The following CFAP54 variants were observed in gnomAD, a reference collection of about 807,000 sequenced individuals.
CFAP54 encodes the protein cilia- and flagella-associated protein 54.
CFAP54 carries 290 observed loss-of-function variants against 370.4 expected under a neutral mutation model. The observed-to-expected ratio is 0.78, with a 90% CI of 0.71 to 0.86. The LOEUF (loss-of-function observed/expected upper bound fraction) is 0.86. Ranked by LOEUF, CFAP54 falls within the 40% of genes least tolerant of loss-of-function variation. The pLI is 0.00. For missense variants in CFAP54, 3,399 were observed against 3,528.7 expected, an observed-to-expected ratio of 0.96 and a Z score of 0.93; for synonymous variants, 1,206 against 1,236.5, an observed-to-expected ratio of 0.98 and a Z score of 0.52.
intron 36 of CFAP54, among the ~76,000 whole-genome samples, chr12:96,657,170 G>A (rs765340617): frequency 2.0e-5 from 3 of 152,180 alleles, no homozygotes; most frequent in Non-Finnish European, 4.4e-5. Flanking sequence ...GCTATAATCT[G>A]GCCCTTATAT....
intron 20 of CFAP54, among the ~76,000 whole-genome samples, chr12:96,577,858 C>T (rs11610041): frequency 0.093 from 14,192 of 151,864 alleles, 1,050 homozygotes; most frequent in East Asian, 0.43. Flanking sequence ...GTCAGGGGTT[C>T]GAGACCATCC....
At chr12:96,668,835 T>C (rs897558269) in intron 39 of CFAP54, among the ~76,000 whole-genome samples, 1 of 152,222 alleles carries the variant, frequency 6.6e-6, no homozygotes. Context: ...CACTTATTCA[T>C]CTATTCATTT....
At chr12:96,649,789 A>G (rs1956837400) in intron 34 of CFAP54, 102 bp from the exon 35 acceptor site, 2 of 685,256 alleles carry the variant, frequency 2.9e-6, no homozygotes, top group Non-Finnish European at 4.6e-6. Flanking sequence ...TTTATGTAGC[A>G]TTTGTTATCT....
Position 96,720,515 on chromosome 12 carries a change from C to A in CFAP54, c.6915C>A (p.Ala2305=), listed in dbSNP as rs1017285641. The A allele has an allele frequency of 1.3e-6, 2 of 1,591,906 alleles. No individual in the cohort carries two copies. Residue 2305 remains alanine (A), a synonymous_variant, in exon 50 of 68, where the codon GCC becomes GCA. Transcript: ENST00000524981. The part of the protein sequence containing the change: ...SAGELEIVVE[A]RLQLAAVALQ... ...GCGAGCTGGAGATTGTGGTGGAGGCCCGGCTTCAGCTGGCTGCAGTTGCTC... is the reference window on the plus strand; with the variant it reads ...GCGAGCTGGAGATTGTGGTGGAGGCACGGCTTCAGCTGGCTGCAGTTGCTC...
Position 96,649,967 on chromosome 12 carries a change from C to T in CFAP54, c.4767C>T (p.Asp1589=), listed in dbSNP as rs773059552. 2 of 1,612,786 alleles carry T rather than the reference C, an allele frequency of 1.2e-6. No individual in the cohort carries two copies. Among genetic ancestry groups the T allele is most frequent in the Non-Finnish European group, 1.7e-6 (2 of 1,178,956 alleles). ...ENMSKTQTVY[D]SDSQSGSSAK... ...TGTCCAAGACACAAACAGTTTATGA[C>T]TCAGACTCTCAATCAGGTTCTAGTG... The change falls in exon 35 of 68, where the codon GAC becomes GAT. Residue 1589 remains aspartate (D), a synonymous_variant. Coordinates refer to ENST00000524981, the MANE Select transcript of CFAP54 (RefSeq NM_001306084.2).
rs368859031 is a variant in CFAP54, at chr12:96,661,746, A to C, written c.5461-2084A>C. 3.0e-4 allele frequency among the ~76,000 whole-genome samples: 46 copies of C among 152,274 alleles called. No homozygotes were observed. The South Asian group carries it at 8.5e-3, about 28-fold the overall frequency. On this transcript the variant is annotated intron_variant, in intron 38 of 67. Transcript: ENST00000524981. Reference sequence around the variant, plus strand: ...TAGTTTGATTGACTAACGGGGGTGAATTGTGTGTATGCCAGAAAGTAGATG... The same window carrying C: ...TAGTTTGATTGACTAACGGGGGTGACTTGTGTGTATGCCAGAAAGTAGATG...
intron 39 of CFAP54, among the ~76,000 whole-genome samples, chr12:96,664,197 T>G (rs1363320685): frequency 1.3e-5 from 2 of 152,138 alleles, no homozygotes; most frequent in African/African-American, 2.4e-5. Flanking sequence ...GGTAAACTTG[T>G]GTCATGGGGG....
At chr12:96,574,990 G>A (rs1284692291) in intron 19 of CFAP54, among the ~76,000 whole-genome samples, 2 of 152,074 alleles carry the variant, frequency 1.3e-5, no homozygotes, top group Non-Finnish European at 2.9e-5. Flanking sequence ...GAACTCATTT[G>A]AGCCTGACAC....
At chr12:96,613,252 C>G (rs1956378421) in intron 26 of CFAP54, among the ~76,000 whole-genome samples, 1 of 152,190 alleles carries the variant, frequency 6.6e-6, no homozygotes, top group South Asian at 2.1e-4. Flanking sequence ...AACTGAACAA[C>G]CTGCTCCTGA....
intron 9 of CFAP54, among the ~76,000 whole-genome samples, chr12:96,532,759 TA>T (rs1450901046): frequency 6.6e-6 from 1 of 152,140 alleles, no homozygotes; most frequent in Non-Finnish European, 1.5e-5. Flanking sequence ...TAGCTGTGAA[TA>T]CAGGCATGTG....
intron 17 of CFAP54, among the ~76,000 whole-genome samples, chr12:96,556,449 T>C (rs1431075170): frequency 6.6e-6 from 1 of 152,104 alleles, no homozygotes; most frequent in East Asian, 1.9e-4. Context: ...CCCCCATACA[T>C]TTTTCACAAT....
intron 32 of CFAP54, among the ~76,000 whole-genome samples, chr12:96,634,800 G>A (rs572344373): frequency 2.6e-5 from 4 of 152,178 alleles, no homozygotes; most frequent in South Asian, 2.1e-4. Context: ...TTTTACCTGC[G>A]GATATCTAAT....
chr12:96,775,272 A>G (rs1285887009), intron 60 of CFAP54, among the ~76,000 whole-genome samples: 1 of 152,138 alleles, frequency 6.6e-6, no homozygotes, highest in African/African-American at 2.4e-5. Flanking sequence ...TACTAAAAAT[A>G]CAAAAAATTA....
chr12:96,787,829 T>C (rs1027153961), intron 62 of CFAP54, among the ~76,000 whole-genome samples: 4 of 152,054 alleles, frequency 2.6e-5, no homozygotes, highest in African/African-American at 9.7e-5. Context: ...AGAAATAATG[T>C]GAAAATTAGT....
rs1314197505 is a variant in CFAP54 at position 96,539,064 on chromosome 12, G to GTTTTTTTTTTT, written c.1926+549_1926+559dup. On this transcript the variant is annotated intron_variant, in intron 13 of 67. Transcript: ENST00000524981. ...GAGCCACCACGCCCGGCCTTTTCAG[G>GTTTTTTTTTTT]TTTTTTTTTTTTTGTTTTTGTTTTT... Among the ~76,000 whole-genome samples the GTTTTTTTTTTT allele has an allele frequency of 2.1e-3, 230 of 111,772 alleles. 30 individuals are homozygous for GTTTTTTTTTTT. Among genetic ancestry groups the GTTTTTTTTTTT allele is most frequent in the Middle Eastern group, 6.1e-3 (1 of 164 alleles). 73.3% of individuals were successfully genotyped at this position (111,772 alleles called of 152,430 possible).
intron 19 of CFAP54, chr12:96,573,120 A>G (rs1411608024): frequency 1.2e-6 from 1 of 825,458 alleles, no homozygotes; most frequent in Non-Finnish European, 1.5e-6. Flanking sequence ...CAGGCTCCAG[A>G]CATAATCCCG....
At chr12:96,591,983 A>G (rs1956130307) in intron 23 of CFAP54, among the ~76,000 whole-genome samples, 1 of 151,848 alleles carries the variant, frequency 6.6e-6, no homozygotes, top group Non-Finnish European at 1.5e-5. Context: ...AGATGCAGTA[A>G]TGACTCAGTT....
intron 56 of CFAP54, among the ~76,000 whole-genome samples, chr12:96,754,381 A>T (rs1392894564): frequency 1.3e-5 from 2 of 152,218 alleles, no homozygotes; most frequent in African/African-American, 4.8e-5. Context: ...ATATAATTTT[A>T]TTGTGGGCAT....
chr12:96,502,106 G>C (rs1955035042), intron 2 of CFAP54, among the ~76,000 whole-genome samples: 1 of 152,174 alleles, frequency 6.6e-6, no homozygotes. Context: ...GATATTAGTG[G>C]AGGGAGGAGA....
Sources: gnomAD v4.1 joint callset for allele counts (sites outside exome capture counted in the v4.1 genomes callset) on GRCh38, gnomAD v4.1.1 for gene constraint, MANE v1.5 for transcripts, NCBI Gene and HGNC (gene_info 2026-07-23, HGNC 2026-07-21) for gene names.